The following SLC24A2 variants were observed in gnomAD, a reference collection of about 807,000 sequenced individuals.
SLC24A2 encodes the protein solute carrier family 24 member 2, also known as sodium/potassium/calcium exchanger 2.
SLC24A2 carries 36 observed loss-of-function variants against 62.0 expected under a neutral mutation model. That is an observed-to-expected ratio of 0.58 (90% CI 0.44 to 0.77). SLC24A2 has a LOEUF of 0.77. Among genes scored for constraint, SLC24A2 ranks in the 30% least tolerant of loss-of-function variants. SLC24A2 has a pLI of 0.00. For missense variants in SLC24A2, 846 were observed against 817.9 expected, an observed-to-expected ratio of 1.03 and a Z score of -0.42; for synonymous variants, 358 against 294.0, an observed-to-expected ratio of 1.22 and a Z score of -2.23.
At chr9:20,184,556 A>C in the SLC24A2 span, among the ~76,000 whole-genome samples, 2 of 152,310 alleles carry the variant, frequency 1.3e-5, no homozygotes, top group South Asian at 4.1e-4. Flanking sequence ...TCAAACAAAC[A>C]AACAAAAACA....
At chr9:19,909,589 G>A in the SLC24A2 span, among the ~76,000 whole-genome samples, 2 of 152,014 alleles carry the variant, frequency 1.3e-5, no homozygotes, top group Non-Finnish European at 2.9e-5. Context: ...GAATATATGA[G>A]GGAACTAATG....
In SLC24A2 at chr9:19,786,684, C is replaced by A; in HGVS notation, c.183G>T (p.Glu61Asp). The A allele has an allele frequency of 1.2e-6, 2 of 1,613,220 alleles. No homozygotes were observed. The highest frequency in any genetic ancestry group is 1.7e-6 in the Non-Finnish European group (2 of 1,179,424). The part of the protein sequence containing the change: ...TVSFSISAFS[E>D]TDTQSTGEAS... The stretch of plus-strand genomic sequence containing the variant: ...CCTCTCCTGTGCTCTGTGTATCTGT[C>A]TCAGAAAAGGCACTGATTGAAAATG... Residue 61 changes from glutamate to aspartate, a missense_variant, in exon 2 of 11, where the codon GAG becomes GAT. Transcript: ENST00000341998. The surrounding 1 kb of genome is among the most constrained non-coding windows in gnomAD (Gnocchi z 5.0).
At chr9:20,037,916 C>G in the SLC24A2 span, among the ~76,000 whole-genome samples, 1 of 152,164 alleles carries the variant, frequency 6.6e-6, no homozygotes. Context: ...TTTGAAAATC[C>G]TGACCAAAAG....
chr9:20,241,770 T>C, the SLC24A2 span, among the ~76,000 whole-genome samples: 1 of 151,564 alleles, frequency 6.6e-6, no homozygotes, highest in Non-Finnish European at 1.5e-5. Flanking sequence ...AGGTTGGGGG[T>C]GCAAGCCAAA....
the SLC24A2 span, among the ~76,000 whole-genome samples, chr9:20,198,379 G>C: frequency 3.3e-5 from 5 of 152,210 alleles, no homozygotes; most frequent in Non-Finnish European, 7.3e-5. Flanking sequence ...TCTGGTTTTA[G>C]AGGGAAGCTC....
At chr9:19,984,078 A>G in the SLC24A2 span, among the ~76,000 whole-genome samples, 2 of 152,344 alleles carry the variant, frequency 1.3e-5, no homozygotes, top group African/African-American at 4.8e-5. Flanking sequence ...CTTCTGACTT[A>G]CAACATTTTC....
intron 7 of SLC24A2, among the ~76,000 whole-genome samples, chr9:19,561,263 T>C (rs1427684716): frequency 6.6e-6 from 1 of 151,720 alleles, no homozygotes; most frequent in Non-Finnish European, 1.5e-5. Context: ...TAATTCTCTC[T>C]ACTCTGTTCT....
At chr9:20,026,614 T>C in the SLC24A2 span, among the ~76,000 whole-genome samples, 1 of 152,124 alleles carries the variant, frequency 6.6e-6, no homozygotes, top group East Asian at 1.9e-4. Context: ...TAAAACTGGA[T>C]GTCCACATGC....
chr9:19,683,628 T>A (rs972311006), intron 2 of SLC24A2, among the ~76,000 whole-genome samples: 1 of 152,040 alleles, frequency 6.6e-6, no homozygotes, highest in Non-Finnish European at 1.5e-5. Flanking sequence ...CAATATTTAG[T>A]TCATTTTCCC....
chr9:19,850,948 TA>T, the SLC24A2 span, among the ~76,000 whole-genome samples: 1 of 16,186 alleles, frequency 6.2e-5, no homozygotes, highest in Non-Finnish European at 2.4e-4. Context: ...TATATATACA[TA>T]TATATATATA....
At chr9:19,935,105 G>A in the SLC24A2 span, among the ~76,000 whole-genome samples, 6 of 151,078 alleles carry the variant, frequency 4.0e-5, no homozygotes, top group Non-Finnish European at 5.9e-5. Flanking sequence ...TAGTCACGGG[G>A]CAGGATGGGT....
the SLC24A2 span, among the ~76,000 whole-genome samples, chr9:19,851,805 C>G: frequency 2.0e-5 from 3 of 152,258 alleles, no homozygotes; most frequent in Admixed American, 6.5e-5. Context: ...GTGCATGTAT[C>G]TTTATAATAG....
the SLC24A2 span, among the ~76,000 whole-genome samples, chr9:19,992,789 T>C: frequency 1.3e-5 from 2 of 152,214 alleles, no homozygotes; most frequent in African/African-American, 4.8e-5. Context: ...TCTCTGATCA[T>C]ACAGTAAATG....
the SLC24A2 span, among the ~76,000 whole-genome samples, chr9:20,298,029 G>A: frequency 1.4e-4 from 22 of 152,288 alleles, no homozygotes; most frequent in African/African-American, 5.3e-4. Context: ...CCATAAGGAA[G>A]CAGCACCCCC....
the SLC24A2 span, among the ~76,000 whole-genome samples, chr9:20,049,139 G>A: frequency 6.6e-6 from 1 of 152,050 alleles, no homozygotes; most frequent in South Asian, 2.1e-4. Flanking sequence ...TCTAGCAACA[G>A]ACAAGATATT....
chr9:19,652,431 G>A lies in SLC24A2; in HGVS notation c.931-30132C>T, dbSNP rs1818828104. Among the ~76,000 whole-genome samples the A allele has an allele frequency of 2.6e-5, 4 of 152,236 alleles. No homozygotes were observed. The South Asian group carries it at 8.3e-4, about 32-fold the overall frequency. The stretch of plus-strand genomic sequence containing the variant: ...TGGTGGGGCCCAATGTAATCACAAG[G>A]GTCCTCATAAGAGGGAGGCAATGGA... On this transcript the variant is annotated intron_variant, in intron 2 of 10. Coordinates refer to ENST00000341998, the MANE Select transcript of SLC24A2 (RefSeq NM_020344.4).
chr9:20,213,063 C>T, the SLC24A2 span, among the ~76,000 whole-genome samples: 1 of 151,610 alleles, frequency 6.6e-6, no homozygotes, highest in East Asian at 1.9e-4. Flanking sequence ...GGAAAAATAG[C>T]TAATGCATAC....
the SLC24A2 span, among the ~76,000 whole-genome samples, chr9:20,220,453 C>T: frequency 1.3e-5 from 2 of 152,118 alleles, no homozygotes; most frequent in Non-Finnish European, 2.9e-5. Context: ...AGCAGGAGAT[C>T]CCAGATGGCC....
the SLC24A2 span, among the ~76,000 whole-genome samples, chr9:20,268,399 T>C: frequency 2.0e-5 from 3 of 152,180 alleles, no homozygotes; most frequent in Admixed American, 2.0e-4. Context: ...TTGAGTCATG[T>C]GGGCTCTGTC....
Sources: gnomAD v4.1 joint callset for allele counts (sites outside exome capture counted in the v4.1 genomes callset) on GRCh38, gnomAD v4.1.1 for gene constraint, Gnocchi (gnomAD v3.1) non-coding constraint, MANE v1.5 for transcripts, NCBI Gene and HGNC (gene_info 2026-07-23, HGNC 2026-07-21) for gene names.